Variants in IGHMBP2 observed in about 807,000 individuals in gnomAD.
IGHMBP2 encodes the protein DNA-binding protein SMUBP-2.
In IGHMBP2, 81 loss-of-function variants were observed where a neutral mutation model predicts 96.0. The ratio of observed to expected loss-of-function variants is 0.84; its 90% CI spans 0.71 to 1.01. IGHMBP2 has a LOEUF of 1.01. Among genes scored for constraint, IGHMBP2 ranks in the 50% least tolerant of loss-of-function variants. The pLI, the probability that IGHMBP2 is intolerant of heterozygous loss-of-function variation, is 0.00. For synonymous variants in IGHMBP2, 557 were observed against 548.9 expected, an observed-to-expected ratio of 1.01 and a Z score of -0.21; for missense variants, 1,227 against 1,306.3, an observed-to-expected ratio of 0.94 and a Z score of 0.94.
At chr11:68,925,558 A>G (rs1162051659) in intron 7 of IGHMBP2, among the ~76,000 whole-genome samples, 1 of 152,016 alleles carries the variant, frequency 6.6e-6, no homozygotes, top group Admixed American at 6.6e-5. Flanking sequence ...TTTTATATCT[A>G]CCCATGTAGT....
Position 68,911,443 on chromosome 11 carries a change from C to A in IGHMBP2, c.551C>A (p.Pro184Gln). 1.2e-6 allele frequency: 2 copies of A among 1,613,752 alleles called. No individual in the cohort carries two copies. Among genetic ancestry groups the A allele is most frequent in the Non-Finnish European group, 1.7e-6 (2 of 1,179,962 alleles). Residue 184 changes from proline (P) to glutamine (Q), a missense_variant, in exon 5 of 15, where the codon CCG (proline) becomes CAG (glutamine). This residue lies in a region of IGHMBP2 where 507 missense variants were observed against 496.9 expected (regional missense o/e 1.02). Transcript: ENST00000255078. ...CACGCTGCTGCTTCTTCCACAGACC[C>A]GCTGACATTCTTCAACACCTGCCTG... ...SAPSPASEIH[P>Q]LTFFNTCLDT...
At chr11:68,925,194 G>A (rs1859020310) in intron 7 of IGHMBP2, among the ~76,000 whole-genome samples, 1 of 140,376 alleles carries the variant, frequency 7.1e-6, no homozygotes. Context: ...TGCCCAGGCT[G>A]TAGTGCAGTG....
rs1859696119 is a variant in IGHMBP2 at position 68,940,015 on chromosome 11, TC to T, written c.*285del. ...CCCCGCCAAAACCCACATCCCAGCC[TC>T]TGGATCCTGGGGAAGGTTCCAGTCC... On this transcript the variant is annotated 3_prime_UTR_variant, in exon 15 of 15. Transcript: ENST00000255078. 8 of 472,202 alleles carry T rather than the reference TC, an allele frequency of 1.7e-5. No homozygotes were observed. Among genetic ancestry groups the T allele is most frequent in the Admixed American group, 3.7e-5 (1 of 26,878 alleles). 29.3% of individuals were successfully genotyped at this position (472,202 alleles called of 1,614,324 possible).
intron 8 of IGHMBP2, 145 bp from the exon 9 acceptor site, chr11:68,933,154 A>G (rs1859379502): frequency 2.4e-6 from 2 of 820,804 alleles, no homozygotes; most frequent in South Asian, 3.1e-5. Flanking sequence ...GATTCAGCCA[A>G]ACCCGCCCCT....
intron 10 of IGHMBP2, 109 bp from the exon 11 acceptor site, chr11:68,934,355 G>A: frequency 1.3e-6 from 1 of 786,944 alleles, no homozygotes; most frequent in Non-Finnish European, 2.2e-6. Flanking sequence ...CACCTGAGTG[G>A]AGGATCAGCT....
chr11:68,909,927 C>T (rs893024047), intron 4 of IGHMBP2, among the ~76,000 whole-genome samples: 4 of 152,140 alleles, frequency 2.6e-5, no homozygotes, highest in South Asian at 2.1e-4. Context: ...CCACCGTGCC[C>T]GGTCTGTGCA....
At chr11:68,930,335 C>T (rs868811160) in intron 8 of IGHMBP2, 86 of 1,289,758 alleles carry the variant, frequency 6.7e-5, no homozygotes, top group African/African-American at 4.4e-4. Context: ...GCTATGAACT[C>T]GGAACTTTCG....
At chr11:68,927,623 G>T (rs1303105312) in intron 7 of IGHMBP2, among the ~76,000 whole-genome samples, 1 of 152,152 alleles carries the variant, frequency 6.6e-6, no homozygotes, top group Non-Finnish European at 1.5e-5. Context: ...TAAAACTTTG[G>T]TTATCCTATC....
chr11:68,904,353 C>T (rs909079834), intron 1 of IGHMBP2, among the ~76,000 whole-genome samples: 4 of 152,292 alleles, frequency 2.6e-5, no homozygotes, highest in African/African-American at 7.2e-5. Context: ...AGCCCTTTCC[C>T]TTATTCATTC....
At chr11:68,929,770 C>G (rs149710677) in intron 8 of IGHMBP2, 123 of 985,154 alleles carry the variant, frequency 1.2e-4, no homozygotes, top group Non-Finnish European at 1.4e-4. Context: ...ATGGAGGGCA[C>G]TGGGCAGAGA....
chr11:68,918,889 G>T (rs1858773350), intron 7 of IGHMBP2, among the ~76,000 whole-genome samples: 1 of 152,144 alleles, frequency 6.6e-6, no homozygotes, highest in African/African-American at 2.4e-5. Context: ...TTTCCACATT[G>T]ATCTTTATCG....
At chr11:68,930,284 C>T (rs1055916415) in intron 8 of IGHMBP2, 2 of 1,286,080 alleles carry the variant, frequency 1.6e-6, no homozygotes, top group Non-Finnish European at 2.0e-6. Context: ...ATTTCGGTTG[C>T]CTTTTGAAAC....
chr11:68,904,797 CTTTTTCTTTTTTTTT>C (rs1207292292), intron 1 of IGHMBP2, among the ~76,000 whole-genome samples: 3 of 86,644 alleles, frequency 3.5e-5, no homozygotes. Flanking sequence ...TCTTTTTTTT[CTTTTTCTTTTTTTTT>C]TTTTTAGACA....
Position 68,936,554 on chromosome 11 carries a change from C to T in IGHMBP2, c.2074C>T (p.Gln692Ter). The T allele has an allele frequency of 6.2e-7, 1 of 1,612,514 alleles. No homozygotes were observed. The highest frequency in any genetic ancestry group is 8.5e-7 in the Non-Finnish European group (1 of 1,179,312). Residue 692 changes from glutamine (Q) to a stop codon, truncating the protein, a stop_gained, in exon 13 of 15, where the codon CAG becomes TAG. Coordinates refer to ENST00000255078, the MANE Select transcript of IGHMBP2 (RefSeq NM_002180.3). LOFTEE classifies it high-confidence loss of function. ...CCAGGAGGCTGCAGCACCTGCCAGA[C>T]AGGGCCGGAAGAAGCCGGCTGGGAA... ...GGQEAAAPAR[Q>*]GRKKPAGKSL...
At chr11:68,912,372 T>C (rs1276236180) in intron 5 of IGHMBP2, among the ~76,000 whole-genome samples, 2 of 152,140 alleles carry the variant, frequency 1.3e-5, no homozygotes, top group Non-Finnish European at 2.9e-5. Flanking sequence ...TCAGTTGATC[T>C]GCCTGCCTCA....
intron 6 of IGHMBP2, among the ~76,000 whole-genome samples, chr11:68,916,975 C>CTTTTTTTTTTTTTT (rs11418103): frequency 9.7e-6 from 1 of 103,348 alleles, no homozygotes; most frequent in African/African-American, 4.3e-5. Flanking sequence ...AAGGTTACAT[C>CTTTTTTTTTTTTTT]TTTTTTTTTT....
In IGHMBP2 at chr11:68,940,148, C is replaced by G; in HGVS notation, c.*417C>G. On this transcript the variant is annotated 3_prime_UTR_variant, in exon 15 of 15. Coordinates refer to ENST00000255078, the MANE Select transcript of IGHMBP2 (RefSeq NM_002180.3). Reference sequence around the variant, plus strand: ...TGCTGAGAGGAAACAGGAAACAAGACTGCGAATGGCGCTCAGGCAGGGAGC... The same window carrying G: ...TGCTGAGAGGAAACAGGAAACAAGAGTGCGAATGGCGCTCAGGCAGGGAGC... 2 of 200,018 alleles carry G rather than the reference C, an allele frequency of 1.0e-5. No homozygotes were observed. The highest frequency in any genetic ancestry group is 2.1e-5 in the Non-Finnish European group (2 of 97,486). 12.4% of individuals were successfully genotyped at this position (200,018 alleles called of 1,614,324 possible).
At chr11:68,929,923 G>A (rs1486883652) in intron 8 of IGHMBP2, 5 of 976,782 alleles carry the variant, frequency 5.1e-6, no homozygotes, top group Non-Finnish European at 6.0e-6. Flanking sequence ...GAGCCCTGAT[G>A]CAGTGGCCTG....
chr11:68,908,994 C>T (rs1021669222), intron 4 of IGHMBP2, among the ~76,000 whole-genome samples: 1 of 151,406 alleles, frequency 6.6e-6, no homozygotes, highest in African/African-American at 2.4e-5. Flanking sequence ...GCATGCACCA[C>T]CACGCCTGGC....
Sources: allele counts gnomAD v4.1 joint callset (sites outside exome capture counted in the v4.1 genomes callset), GRCh38; gene constraint gnomAD v4.1.1; regional missense constraint gnomAD v4.1.1; transcripts MANE v1.5; gene names NCBI Gene and HGNC (gene_info 2026-07-23, HGNC 2026-07-21).